The following METTL15 variants were observed in gnomAD, a reference collection of about 807,000 sequenced individuals.
The protein encoded by METTL15 is 12S rRNA N(4)-cytidine methyltransferase METTL15.
A neutral mutation model predicts 38.3 loss-of-function variants in METTL15; 34 were observed. The ratio of observed to expected loss-of-function variants is 0.89; its 90% CI spans 0.68 to 1.18. The LOEUF (loss-of-function observed/expected upper bound fraction) is 1.18. Ranked by LOEUF, METTL15 falls within the 50% of genes most tolerant of loss-of-function variation. METTL15 has a pLI of 0.00. For missense variants in METTL15, 438 were observed against 498.4 expected (o/e 0.88, Z 1.15); for synonymous variants, 162 against 170.9 (o/e 0.95, Z 0.41).
chr11:28,300,127 T>C (rs1403924082), intron 6 of METTL15, among the ~76,000 whole-genome samples: 1 of 152,114 alleles, frequency 6.6e-6, no homozygotes, highest in Non-Finnish European at 1.5e-5. Context: ...TAGACATGAA[T>C]TGTGGGGGAC....
At chr11:28,405,270 A>G (rs181612972) in intron 5 of METTL15, among the ~76,000 whole-genome samples, 1 of 152,314 alleles carries the variant, frequency 6.6e-6, no homozygotes, top group Admixed American at 6.5e-5. Context: ...ATTTAGAGCT[A>G]TGCACTAACA....
At chr11:28,473,369 A>G (rs981737404) in intron 6 of METTL15, among the ~76,000 whole-genome samples, 1 of 152,182 alleles carries the variant, frequency 6.6e-6, no homozygotes, top group Non-Finnish European at 1.5e-5. Context: ...TGCATGTAAA[A>G]CAAATCCTGG....
intron 5 of METTL15, among the ~76,000 whole-genome samples, chr11:28,371,796 T>A (rs1850245826): frequency 6.6e-6 from 1 of 152,078 alleles, no homozygotes; most frequent in African/African-American, 2.4e-5. Context: ...TTCAGATTGT[T>A]CACTGTTGGT....
At chr11:28,341,703 T>G (rs916445084) in intron 3 of METTL15, among the ~76,000 whole-genome samples, 3 of 152,214 alleles carry the variant, frequency 2.0e-5, no homozygotes, top group African/African-American at 7.2e-5. Flanking sequence ...GTTACCGTTG[T>G]ACTAGTTTGT....
chr11:28,204,459 T>TA lies in METTL15; in HGVS notation c.271-6603_271-6602insA, dbSNP rs1466041884. On this transcript the variant is annotated intron_variant, in intron 3 of 6. Transcript: ENST00000407364. Reference sequence around the variant, plus strand: ...CCTTTTTTTTTTTTTTTTTTTTTTTTTTGTAAAAAGGGATATAATGCCAGT... The same window carrying TA: ...CCTTTTTTTTTTTTTTTTTTTTTTTTATTGTAAAAAGGGATATAATGCCAGT... Among the ~76,000 whole-genome samples, 10 of 147,934 alleles carry TA rather than the reference T, an allele frequency of 6.8e-5. No homozygotes were observed. In the East Asian group the frequency reaches 2.0e-3, roughly 30 times the overall value.
At chr11:28,262,863 G>A (rs549119453) in intron 4 of METTL15, among the ~76,000 whole-genome samples, 1 of 152,114 alleles carries the variant, frequency 6.6e-6, no homozygotes, top group East Asian at 1.9e-4. Context: ...CAAATGTCCA[G>A]GTCTTCTTGG....
intron 6 of METTL15, among the ~76,000 whole-genome samples, chr11:28,523,559 CTGA>C (rs1851785168): frequency 6.6e-6 from 1 of 152,190 alleles, no homozygotes; most frequent in Non-Finnish European, 1.5e-5. Flanking sequence ...CACAGTGATG[CTGA>C]TATTTGCTCA....
chr11:28,165,259 A>G (rs549633259), intron 3 of METTL15, among the ~76,000 whole-genome samples: 3 of 152,232 alleles, frequency 2.0e-5, no homozygotes, highest in South Asian at 2.1e-4. Context: ...AGGTATCCAT[A>G]TGGTTTTTCA....
chr11:28,302,977 G>C (rs7123233), intron 6 of METTL15, among the ~76,000 whole-genome samples: 13,277 of 151,976 alleles, frequency 0.087, 1,010 homozygotes, highest in East Asian at 0.36. Context: ...AAATGGCCAT[G>C]GTCTGGATTT....
chr11:28,290,961 G>T (rs1262614056), intron 5 of METTL15, among the ~76,000 whole-genome samples: 2 of 151,228 alleles, frequency 1.3e-5, no homozygotes, highest in Non-Finnish European at 2.9e-5. Flanking sequence ...CCTCTTCCTG[G>T]AAATACTAGC....
chr11:28,370,684 G>C (rs893551024), intron 5 of METTL15, among the ~76,000 whole-genome samples: 3 of 151,722 alleles, frequency 2.0e-5, no homozygotes, highest in Non-Finnish European at 4.4e-5. Context: ...GGTGTACTAG[G>C]GTTTCCTTTT....
At chr11:28,501,962 G>T (rs1325042245) in intron 6 of METTL15, among the ~76,000 whole-genome samples, 2 of 152,070 alleles carry the variant, frequency 1.3e-5, no homozygotes, top group Non-Finnish European at 2.9e-5. Flanking sequence ...TTAGCCGGGC[G>T]TGGTGGCGGG....
chr11:28,251,936 C>T (rs1854762465), intron 4 of METTL15, among the ~76,000 whole-genome samples: 2 of 152,002 alleles, frequency 1.3e-5, no homozygotes, highest in South Asian at 4.1e-4. Context: ...TATTACTGGG[C>T]AAAACTGTCA....
At chr11:28,147,358 A>T (rs190930770) in intron 3 of METTL15, among the ~76,000 whole-genome samples, 1 of 151,966 alleles carries the variant, frequency 6.6e-6, no homozygotes, top group Non-Finnish European at 1.5e-5. Flanking sequence ...TACAGAGTAG[A>T]CAATCTTTAG....
At chr11:28,487,151 T>C (rs1227544937) in intron 6 of METTL15, among the ~76,000 whole-genome samples, 1 of 152,174 alleles carries the variant, frequency 6.6e-6, no homozygotes, top group Non-Finnish European at 1.5e-5. Flanking sequence ...GCATCATGTT[T>C]CAAAAATCTT....
intron 3 of METTL15, among the ~76,000 whole-genome samples, chr11:28,142,194 A>G (rs1190674841): frequency 2.0e-5 from 3 of 152,222 alleles, no homozygotes; most frequent in Admixed American, 6.5e-5. Context: ...ACTTCATTCC[A>G]TAAAATAGAA....
At chr11:28,531,499 A>G (rs556434295), downstream of METTL15, among the ~76,000 whole-genome samples, 200 of 152,144 alleles carry the variant, frequency 1.3e-3, 1 homozygote, top group African/African-American at 4.5e-3. Context: ...TGAATCAGGA[A>G]TATCTTTATT....
chr11:28,232,755 G>A (rs1264953634), intron 4 of METTL15, among the ~76,000 whole-genome samples: 1 of 151,854 alleles, frequency 6.6e-6, no homozygotes, highest in Admixed American at 6.6e-5. Context: ...GTTTTAGTGG[G>A]CGTGAAAGGG....
At chr11:28,194,192 C>CTTT (rs1554995677) in intron 3 of METTL15, among the ~76,000 whole-genome samples, 2 of 125,060 alleles carry the variant, frequency 1.6e-5, no homozygotes, top group Non-Finnish European at 3.3e-5. Flanking sequence ...CTCTCTCTCT[C>CTTT]CTCTCTCTCT....
Sources: allele counts gnomAD v4.1 joint callset (sites outside exome capture counted in the v4.1 genomes callset), GRCh38; gene constraint gnomAD v4.1.1; transcripts MANE v1.5; gene names NCBI Gene and HGNC (gene_info 2026-07-23, HGNC 2026-07-21).